Variants in FOXP1 observed in about 807,000 individuals in gnomAD.
The protein encoded by FOXP1 is forkhead box protein P1.
Under a neutral mutation model 98.2 loss-of-function variants are expected in FOXP1, and 15 were observed. That is an observed-to-expected ratio of 0.15 (90% CI 0.10 to 0.24). The LOEUF (loss-of-function observed/expected upper bound fraction) is 0.24, where lower values mean the gene tolerates loss of function less well. Among genes scored for constraint, FOXP1 ranks in the 10% least tolerant of loss-of-function variants. FOXP1 has a pLI of 1.00. For missense variants in FOXP1, 633 were observed against 848.5 expected, an observed-to-expected ratio of 0.75 and a Z score of 3.15; for synonymous variants, 371 against 314.5, an observed-to-expected ratio of 1.18 and a Z score of -1.90.
At chr3:71,281,474 C>T (rs1275140799) in intron 5 of FOXP1, among the ~76,000 whole-genome samples, 2 of 152,210 alleles carry the variant, frequency 1.3e-5, no homozygotes, top group Non-Finnish European at 2.9e-5. Flanking sequence ...GACAGGGATT[C>T]TGGCTCCCTG....
intron 6 of FOXP1, among the ~76,000 whole-genome samples, chr3:71,121,569 A>T (rs2058777380): frequency 6.6e-6 from 1 of 151,908 alleles, no homozygotes; most frequent in South Asian, 2.1e-4. Flanking sequence ...CCCCTCTTGG[A>T]GCCAGTGCCA....
At position 71,058,643 on chromosome 3, in the gene FOXP1, AT is replaced by A. The variant is rs1370978103; in HGVS notation, c.283-4871del. 5.3e-5 allele frequency among the ~76,000 whole-genome samples: 8 copies of A among 152,082 alleles called. No individual in the cohort carries two copies. In the East Asian group the frequency reaches 1.5e-3, roughly 29 times the overall value. On this transcript the variant is annotated intron_variant, in intron 7 of 20. Coordinates refer to ENST00000649528, the MANE Select transcript of FOXP1 (RefSeq NM_001349338.3). ...AAACTATGCCAAGTTTTTTATGACC[AT>A]ATACAAGCTAGCCTGTATAGAAGAA...
chr3:71,382,414 G>C (rs1211486069), intron 3 of FOXP1, among the ~76,000 whole-genome samples: 1 of 152,206 alleles, frequency 6.6e-6, no homozygotes, highest in Non-Finnish European at 1.5e-5. Context: ...TGCAGAAGTT[G>C]ATTGCACCCC....
intron 6 of FOXP1, among the ~76,000 whole-genome samples, chr3:71,184,625 C>G (rs557901334): frequency 2.6e-5 from 4 of 152,220 alleles, no homozygotes; most frequent in South Asian, 2.1e-4. Flanking sequence ...AAAGAGGAAC[C>G]CTTTTCCAAA....
intron 6 of FOXP1, among the ~76,000 whole-genome samples, chr3:71,138,370 T>A (rs1022220867): frequency 6.6e-6 from 1 of 152,136 alleles, no homozygotes; most frequent in African/African-American, 2.4e-5. Flanking sequence ...ATGAATACAG[T>A]GCATGTAACC....
chr3:71,352,479 A>AG (rs2107848237), intron 4 of FOXP1, among the ~76,000 whole-genome samples: 2 of 149,492 alleles, frequency 1.3e-5, no homozygotes, highest in South Asian at 4.3e-4. Context: ...TCAAAAAAAA[A>AG]AAAAAAAAAA....
intron 3 of FOXP1, among the ~76,000 whole-genome samples, chr3:71,378,473 TC>T (rs550770902): frequency 6.6e-6 from 1 of 152,140 alleles, no homozygotes; most frequent in Non-Finnish European, 1.5e-5. Flanking sequence ...TTTCTCCCTG[TC>T]CCACTCTGTC....
chr3:71,394,788 T>C (rs1478078964), intron 3 of FOXP1, among the ~76,000 whole-genome samples: 1 of 152,128 alleles, frequency 6.6e-6, no homozygotes, highest in Non-Finnish European at 1.5e-5. Flanking sequence ...CCTTTCACTA[T>C]TATGGCTCTT....
At chr3:71,054,098 A>C (rs2050288197) in intron 7 of FOXP1, among the ~76,000 whole-genome samples, 1 of 152,256 alleles carries the variant, frequency 6.6e-6, no homozygotes, top group African/African-American at 2.4e-5. Flanking sequence ...TTTTGGTCAA[A>C]ACCATCTGTG....
At chr3:70,979,392 A>T (rs972395616) in intron 14 of FOXP1, among the ~76,000 whole-genome samples, 1 of 151,630 alleles carries the variant, frequency 6.6e-6, no homozygotes, top group Non-Finnish European at 1.5e-5. Flanking sequence ...TGTTCTTACA[A>T]ATACTAAAAG....
At chr3:71,396,773 T>G (rs1392038249) in intron 3 of FOXP1, among the ~76,000 whole-genome samples, 2 of 140,618 alleles carry the variant, frequency 1.4e-5, no homozygotes, top group Non-Finnish European at 3.0e-5. Flanking sequence ...CGTCAGGTCT[T>G]GTGAGATTGG....
chr3:71,138,841 G>C (rs1426032178), intron 6 of FOXP1, among the ~76,000 whole-genome samples: 1 of 151,596 alleles, frequency 6.6e-6, no homozygotes, highest in Admixed American at 6.6e-5. Flanking sequence ...TAATTCTTAA[G>C]AACTGCAATC....
intron 7 of FOXP1, among the ~76,000 whole-genome samples, chr3:71,057,290 A>ATTT (rs2050789349): frequency 7.8e-5 from 1 of 12,834 alleles, no homozygotes; most frequent in Admixed American, 1.6e-3. Flanking sequence ...TAAAAACGAA[A>ATTT]CTTTTTTTTT....
chr3:71,380,568 A>T (rs1056583859), intron 3 of FOXP1, among the ~76,000 whole-genome samples: 7 of 152,198 alleles, frequency 4.6e-5, no homozygotes, highest in Admixed American at 3.9e-4. Context: ...AGCACGAAAC[A>T]TTTTCGGCAA....
chr3:70,969,489 G>A (rs1382307983), intron 19 of FOXP1: 1 of 152,170 alleles, frequency 6.6e-6, no homozygotes, highest in Non-Finnish European at 1.5e-5. Context: ...ACTATTCTGG[G>A]CCTGTAGGGT....
intron 2 of FOXP1, among the ~76,000 whole-genome samples, chr3:71,552,839 G>A (rs2045875784): frequency 6.6e-6 from 1 of 151,916 alleles, no homozygotes; most frequent in South Asian, 2.1e-4. Context: ...TTTGAAATTG[G>A]TATTTGAACA....
At chr3:71,059,193 T>C (rs747806978) in intron 7 of FOXP1, among the ~76,000 whole-genome samples, 2 of 151,936 alleles carry the variant, frequency 1.3e-5, no homozygotes, top group African/African-American at 4.9e-5. Flanking sequence ...AGAAAGGCTA[T>C]CTTTCTTTCA....
At chr3:71,317,198 A>G (rs2107650829) in intron 4 of FOXP1, among the ~76,000 whole-genome samples, 1 of 152,354 alleles carries the variant, frequency 6.6e-6, no homozygotes, top group African/African-American at 2.4e-5. Context: ...GAAGCATTAT[A>G]CATGCTAAAA....
chr3:71,522,853 A>G (rs1165387754), intron 2 of FOXP1, among the ~76,000 whole-genome samples: 1 of 152,158 alleles, frequency 6.6e-6, no homozygotes, highest in African/African-American at 2.4e-5. Context: ...TCTCTTTCCC[A>G]TGGTTTTCCT....
Sources: gnomAD v4.1 joint callset for allele counts (sites outside exome capture counted in the v4.1 genomes callset) on GRCh38, gnomAD v4.1.1 for gene constraint, MANE v1.5 for transcripts, NCBI Gene and HGNC (gene_info 2026-07-23, HGNC 2026-07-21) for gene names.